Variants in PDE4D observed in about 807,000 individuals in gnomAD.
PDE4D encodes 3',5'-cyclic-AMP phosphodiesterase 4D.
PDE4D carries 24 observed loss-of-function variants against 87.4 expected under a neutral mutation model. The ratio of observed to expected loss-of-function variants is 0.27; its 90% CI spans 0.20 to 0.39. PDE4D has a LOEUF of 0.39. PDE4D is among the 10% of genes least tolerant of loss of function. PDE4D has a pLI of 1.00. For synonymous variants in PDE4D, 384 were observed against 383.2 expected (o/e 1.00, Z -0.02); for missense variants, 714 against 1,041.0 (o/e 0.69, Z 4.32).
chr5:59,886,567 T>A (rs1750194203), intron 1 of PDE4D, among the ~76,000 whole-genome samples: 1 of 151,688 alleles, frequency 6.6e-6, no homozygotes, highest in Non-Finnish European at 1.5e-5. Context: ...CTTCTTTGTG[T>A]AGGAATATCC....
At chr5:59,451,916 A>G (rs566568880) in intron 1 of PDE4D, among the ~76,000 whole-genome samples, 23 of 152,012 alleles carry the variant, frequency 1.5e-4, no homozygotes, top group African/African-American at 5.5e-4. Flanking sequence ...CCAGTTGTCT[A>G]CATCTTTAGT....
At chr5:60,426,834 G>C (rs137914545) in intron 1 of PDE4D, among the ~76,000 whole-genome samples, 1 of 152,166 alleles carries the variant, frequency 6.6e-6, no homozygotes, top group Non-Finnish European at 1.5e-5. Context: ...AGAATGACAG[G>C]AAATATGATC....
chr5:59,937,224 C>T (rs1204863509), intron 3 of PDE4D, among the ~76,000 whole-genome samples: 1 of 152,112 alleles, frequency 6.6e-6, no homozygotes, highest in Admixed American at 6.5e-5. Context: ...GTCTGTCAAA[C>T]ATGGAAAGTA....
At chr5:60,179,524 T>C (rs181570339) in intron 2 of PDE4D, among the ~76,000 whole-genome samples, 46 of 152,230 alleles carry the variant, frequency 3.0e-4, no homozygotes, top group African/African-American at 7.7e-4. Flanking sequence ...TTCAATGCTG[T>C]TTTTCTCATT....
At chr5:60,059,616 T>C (rs536394715) in intron 2 of PDE4D, among the ~76,000 whole-genome samples, 1 of 151,894 alleles carries the variant, frequency 6.6e-6, no homozygotes, top group East Asian at 1.9e-4. Context: ...GAGAGAGAAA[T>C]TGCCTTTCCA....
chr5:59,229,055 G>A (rs1561763424), intron 1 of PDE4D, among the ~76,000 whole-genome samples: 4 of 149,426 alleles, frequency 2.7e-5, no homozygotes, highest in East Asian at 2.0e-4. Context: ...TTTCTCCATC[G>A]CATTTAACAG....
chr5:60,476,250 GA>G (rs1420904881), intron 1 of PDE4D, among the ~76,000 whole-genome samples: 1 of 152,156 alleles, frequency 6.6e-6, no homozygotes, highest in African/African-American at 2.4e-5. Context: ...AAAAGTAACT[GA>G]GATGTCACCG....
chr5:60,462,705 C>T (rs1222547839), intron 1 of PDE4D, among the ~76,000 whole-genome samples: 3 of 152,146 alleles, frequency 2.0e-5, no homozygotes, highest in East Asian at 1.9e-4. Flanking sequence ...CCAGCTACAC[C>T]GAACTGTAGA....
rs765174473 is a variant in PDE4D at position 59,034,826 on chromosome 5, AAC to A, written c.921+4031_921+4032del. On this transcript the variant is annotated intron_variant, in intron 6 of 14. Transcript: ENST00000340635. Reference sequence around the variant, plus strand: ...ACTTCAAGACAGACTTTCAGCTTGAAACACAGTCATTTCCAGCCATGCCAAAC... The same window carrying A: ...ACTTCAAGACAGACTTTCAGCTTGAAACAGTCATTTCCAGCCATGCCAAAC... Among the ~76,000 whole-genome samples, 8 of 152,348 alleles carry A rather than the reference AAC, an allele frequency of 5.3e-5. No individual in the cohort carries two copies. In the South Asian group the frequency reaches 8.3e-4, roughly 16 times the overall value.
At chr5:59,626,116 A>C (rs1830877597) in intron 1 of PDE4D, among the ~76,000 whole-genome samples, 1 of 152,172 alleles carries the variant, frequency 6.6e-6, no homozygotes, top group African/African-American at 2.4e-5. Context: ...AAAATAAAAA[A>C]AACCAATGCC....
Position 60,000,254 on chromosome 5 carries a change from C to T in PDE4D, c.43-11537G>A, listed in dbSNP as rs140964326. Among the ~76,000 whole-genome samples the T allele has an allele frequency of 1.2e-3, 188 of 152,038 alleles. 1 individual carries two copies. Among genetic ancestry groups the T allele is most frequent in the African/African-American group, 4.3e-3 (179 of 41,452 alleles). On this transcript the variant is annotated intron_variant, in intron 2 of 16. Transcript: ENST00000502484. ...ATTCAAGACACTGATAAAACTCAAACGTGGAAAAACCAACATACCAACATA... is the reference window on the plus strand; with the variant it reads ...ATTCAAGACACTGATAAAACTCAAATGTGGAAAAACCAACATACCAACATA...
At chr5:59,098,158 TG>T (rs1329191680) in intron 5 of PDE4D, among the ~76,000 whole-genome samples, 1 of 152,226 alleles carries the variant, frequency 6.6e-6, no homozygotes, top group Non-Finnish European at 1.5e-5. Context: ...TCTTCACATA[TG>T]GTGATTATGT....
intron 1 of PDE4D, among the ~76,000 whole-genome samples, chr5:60,458,061 T>C (rs575263109): frequency 1.3e-5 from 2 of 152,288 alleles, no homozygotes; most frequent in South Asian, 2.1e-4. Flanking sequence ...ACCACTTTTC[T>C]AGTGTTCTCC....
At chr5:59,932,081 T>C (rs1270346008) in intron 3 of PDE4D, among the ~76,000 whole-genome samples, 1 of 152,198 alleles carries the variant, frequency 6.6e-6, no homozygotes, top group Admixed American at 6.5e-5. Context: ...GATCCTGCCA[T>C]ACACTCTAAA....
chr5:59,588,132 T>C (rs1301650488), intron 1 of PDE4D, among the ~76,000 whole-genome samples: 1 of 152,138 alleles, frequency 6.6e-6, no homozygotes, highest in Non-Finnish European at 1.5e-5. Flanking sequence ...TGTACTTCAA[T>C]TGCAATTGCG....
chr5:60,520,367 C>T (rs941585539), intron 1 of PDE4D, among the ~76,000 whole-genome samples: 4 of 152,202 alleles, frequency 2.6e-5, no homozygotes, highest in African/African-American at 7.2e-5. Context: ...AAGCCAGAGT[C>T]GGATTTTCCT....
rs1580845649 is a variant in PDE4D at position 59,747,677 on chromosome 5, T to G, written c.455+145491A>C. 2.6e-5 allele frequency among the ~76,000 whole-genome samples: 4 copies of G among 152,270 alleles called. 1 individual carries two copies. The highest frequency in any genetic ancestry group is 9.6e-5 in the African/African-American group (4 of 41,562). ...AAAATAGAAGGAATTAAGAGACACT[T>G]TTCATACACTCTGAAACCAGATCTA... On this transcript the variant is annotated intron_variant, in intron 1 of 14. Coordinates refer to ENST00000340635, the MANE Select transcript of PDE4D (RefSeq NM_001104631.2).
intron 1 of PDE4D, among the ~76,000 whole-genome samples, chr5:59,844,501 C>A (rs1743525859): frequency 6.6e-6 from 1 of 152,034 alleles, no homozygotes; most frequent in Non-Finnish European, 1.5e-5. Flanking sequence ...ATAGAGTATG[C>A]ATAGGCCATT....
rs577886316 is a variant in PDE4D, at chr5:60,281,725, G to C, written c.-89-96038C>G. Among the ~76,000 whole-genome samples the C allele has an allele frequency of 2.6e-5, 4 of 152,042 alleles. No homozygotes were observed. The South Asian group carries it at 6.2e-4, about 24-fold the overall frequency. On this transcript the variant is annotated intron_variant, in intron 1 of 16. Coordinates refer to the PDE4D transcript ENST00000502484. ...TTAGTAAAAGAAGTGAAAAATAATA[G>C]AAAAAGTAAGAATAAGAAAAGAAGG... is the stretch of plus-strand genomic sequence containing the variant.
Sources: gnomAD v4.1 joint callset for allele counts (sites outside exome capture counted in the v4.1 genomes callset) on GRCh38, gnomAD v4.1.1 for gene constraint, MANE v1.5 for transcripts, NCBI Gene and HGNC (gene_info 2026-07-23, HGNC 2026-07-21) for gene names.